CENPE: variants seen among roughly 807,000 people sequenced by gnomAD.
The protein encoded by CENPE is centromere-associated protein E.
Under a neutral mutation model 336.1 loss-of-function variants are expected in CENPE, and 145 were observed. The ratio of observed to expected loss-of-function variants is 0.43; its 90% CI spans 0.38 to 0.50. CENPE has a LOEUF of 0.50. Among genes scored for constraint, CENPE ranks in the 20% least tolerant of loss-of-function variants. The probability of loss-of-function intolerance (pLI) is 0.00; values close to 1 mark genes in which losing one functional copy is unlikely to be tolerated. For missense variants in CENPE, 2,719 were observed against 3,023.3 expected (o/e 0.90, Z 2.36); for synonymous variants, 1,013 against 984.8 (o/e 1.03, Z -0.54).
At chr4:103,176,817 A>T (rs930200733) in intron 14 of CENPE, 82 bp downstream of exon 14, 10 of 1,046,288 alleles carry the variant, frequency 9.6e-6, no homozygotes, top group Admixed American at 5.5e-5. Context: ...TGTTTATCAC[A>T]TTAACTGAGC....
At position 103,140,879 on chromosome 4, in the gene CENPE, C is replaced by G. The variant is rs564557749; in HGVS notation, c.5689G>C (p.Val1897Leu). ...VMKERDNLRR[V>L]EETLKLERDQ... ...CTCTCCAGTTTGAGTGTCTCCTCTA[C>G]TCTTCTTAGATTATCTCTTTCTTTC... is the stretch of plus-strand genomic sequence containing the variant. Residue 1897 changes from valine to leucine, a missense_variant, in exon 36 of 49, where the codon GTA (valine) becomes CTA (leucine). Around this residue, in one of 5 missense-constraint regions of CENPE, gnomAD observed 2,437 missense variants for 2,513.3 expected, o/e 0.97. Transcript: ENST00000265148. The G allele has an allele frequency of 1.3e-4, 215 of 1,612,132 alleles. 5 individuals carry two copies. In the South Asian group the frequency reaches 2.3e-3, roughly 17 times the overall value.
rs1458593357 is a variant in CENPE at position 103,176,886 on chromosome 4, A to T, written c.1390+13T>A. 3 of 1,558,970 alleles carry T rather than the reference A, an allele frequency of 1.9e-6. No homozygotes were observed. The South Asian group carries it at 3.6e-5, about 19-fold the overall frequency. On this transcript the variant is annotated intron_variant, in intron 14 of 48. Coordinates refer to ENST00000265148, the MANE Select transcript of CENPE (RefSeq NM_001813.3). ...TATAATTAAACATAGTTCCACTTGA[A>T]AAAAGCACTCACATTCATCAATTTC...
At position 103,120,241 on chromosome 4, in the gene CENPE, C is replaced by T. The variant is rs368768551; in HGVS notation, c.7236G>A (p.Glu2412=). ...SKIIKMQKEL[E]VTNDIIAKLQ... ...GTTTTGCTATTATGTCATTAGTCACCTCAAGTTCTTTCTGCATCTTTATAA... is the reference window on the plus strand; with the variant it reads ...GTTTTGCTATTATGTCATTAGTCACTTCAAGTTCTTTCTGCATCTTTATAA... The change falls in exon 44 of 49, where the codon GAG becomes GAA. Residue 2412 remains glutamate, a synonymous_variant. Coordinates refer to ENST00000265148, the MANE Select transcript of CENPE (RefSeq NM_001813.3). 4 of 1,612,580 alleles carry T rather than the reference C, an allele frequency of 2.5e-6. No individual in the cohort carries two copies. The African/African-American group carries it at 4.0e-5, about 16-fold the overall frequency.
intron 29 of CENPE, 70 bp downstream of exon 29, chr4:103,147,280 TTATAAC>T (rs1405828523): frequency 4.0e-6 from 5 of 1,262,488 alleles, no homozygotes; most frequent in Admixed American, 2.3e-5. Flanking sequence ...AATACAAACA[TTATAAC>T]TATAACACAA....
chr4:103,115,735 T>C (rs1285106731), intron 45 of CENPE, among the ~76,000 whole-genome samples: 3 of 150,332 alleles, frequency 2.0e-5, no homozygotes, highest in Non-Finnish European at 3.0e-5. Flanking sequence ...ATATTTCTTT[T>C]TTTTTTTTTT....
chr4:103,141,975 A>G, intron 34 of CENPE, 67 bp from the exon 35 acceptor site: 1 of 993,950 alleles, frequency 1.0e-6, no homozygotes, highest in Non-Finnish European at 1.5e-6. Flanking sequence ...AAATAAAGTG[A>G]TATATTTTCT....
At chr4:103,134,106 C>G (rs1400268811) in intron 40 of CENPE, among the ~76,000 whole-genome samples, 1 of 152,202 alleles carries the variant, frequency 6.6e-6, no homozygotes, top group Non-Finnish European at 1.5e-5. Context: ...TTCCTTATTT[C>G]TGACTTCTTA....
At position 103,177,299 on chromosome 4, in the gene CENPE, TTCAGGGACCCATC is replaced by T. The variant is rs140277939; in HGVS notation, c.1243-266_1243-254del. ...CATTTATCCACTCCTTCCTCAACAC[TTCAGGGACCCATC>T]TCCTGGTTCTTACCTTACCCAGCTG... is the stretch of plus-strand genomic sequence containing the variant. On this transcript the variant is annotated intron_variant, in intron 13 of 48. Coordinates refer to ENST00000265148, the MANE Select transcript of CENPE (RefSeq NM_001813.3). 0.16 allele frequency among the ~76,000 whole-genome samples: 24,165 copies of T among 151,856 alleles called. 2,319 individuals carry two copies. Among genetic ancestry groups the T allele is most frequent in the Non-Finnish European group, 0.2 (13,750 of 67,922 alleles).
intron 44 of CENPE, among the ~76,000 whole-genome samples, chr4:103,119,931 T>C (rs965475726): frequency 1.3e-5 from 2 of 152,118 alleles, no homozygotes; most frequent in African/African-American, 4.8e-5. Flanking sequence ...TTAAAAATTA[T>C]TCTTCCAACA....
chr4:103,163,123 C>A lies in CENPE; in HGVS notation c.1842+14G>T. ...ATTTATGTGATTACACAACAAAATA[C>A]GCCTGATTTTTACCAATGAGTATGA... On this transcript the variant is annotated intron_variant, in intron 18 of 48. Coordinates refer to ENST00000265148, the MANE Select transcript of CENPE (RefSeq NM_001813.3). 1 of 1,597,862 alleles carries A rather than the reference C, an allele frequency of 6.3e-7. No individual in the cohort carries two copies. Among genetic ancestry groups the A allele is most frequent in the South Asian group, 1.1e-5 (1 of 89,128 alleles).
intron 39 of CENPE, 137 bp downstream of exon 39, chr4:103,138,214 G>T: frequency 1.5e-6 from 1 of 661,864 alleles, no homozygotes; most frequent in Non-Finnish European, 2.7e-6. Context: ...CCACACACCT[G>T]TACTAGATTA....
intron 16 of CENPE, among the ~76,000 whole-genome samples, chr4:103,171,351 AAATT>A (rs1330446394): frequency 1.3e-5 from 2 of 152,130 alleles, no homozygotes; most frequent in African/African-American, 2.4e-5. Flanking sequence ...ATAAAACTAG[AAATT>A]AATAATAGCA....
rs1749111127 is a variant in CENPE at position 103,108,659 on chromosome 4, T to C, written c.8011+144A>G. 5.1e-6 allele frequency: 4 copies of C among 788,406 alleles called. No individual in the cohort carries two copies. In the Admixed American group the frequency reaches 8.9e-5, roughly 18 times the overall value. The allele number at this position is 788,406 out of a possible 1,614,324, so 48.8% of individuals were successfully genotyped here. On this transcript the variant is annotated intron_variant, in intron 48 of 48. Transcript: ENST00000265148. ...GGGTGCCTTGGAGAAATCAACTTTCTTACAGAGTCAGCAAATGAAGCCTGT... is the reference window on the plus strand; with the variant it reads ...GGGTGCCTTGGAGAAATCAACTTTCCTACAGAGTCAGCAAATGAAGCCTGT...
chr4:103,147,595 T>G lies in CENPE; in HGVS notation c.3895A>C (p.Ser1299Arg). 1 of 1,613,752 alleles carries G rather than the reference T, an allele frequency of 6.2e-7. No individual in the cohort carries two copies. Among genetic ancestry groups the G allele is most frequent in the Non-Finnish European group, 8.5e-7 (1 of 1,180,016 alleles). The change falls in exon 29 of 49, where the codon AGT becomes CGT. Residue 1299 changes from serine (S) to arginine (R), a missense_variant. Around this residue, in one of 5 missense-constraint regions of CENPE, gnomAD observed 2,437 missense variants for 2,513.3 expected, o/e 0.97. Transcript: ENST00000265148. ...TCATTCATTGTTTCCTGAGTCTCAC[T>G]GACTTCTTTCACATTAGGCAGTAAC... ...QELLPNVKEV[S>R]ETQETMNELE...
intron 42 of CENPE, among the ~76,000 whole-genome samples, chr4:103,130,138 A>C (rs1218671499): frequency 6.6e-6 from 1 of 152,226 alleles, no homozygotes; most frequent in African/African-American, 2.4e-5. Flanking sequence ...TCTAGTTTTC[A>C]ACACTGTACT....
intron 4 of CENPE, 128 bp downstream of exon 4, chr4:103,195,792 C>A: frequency 1.5e-6 from 1 of 673,506 alleles, no homozygotes; most frequent in Non-Finnish European, 2.7e-6. Flanking sequence ...TCTTCTTTCC[C>A]CATGGATAAT....
At chr4:103,109,770 G>A (rs1749225381) in intron 47 of CENPE, among the ~76,000 whole-genome samples, 1 of 152,110 alleles carries the variant, frequency 6.6e-6, no homozygotes. Context: ...TGCTCTAGCA[G>A]CCAAAGATGC....
intron 9 of CENPE, among the ~76,000 whole-genome samples, 175 bp from the exon 10 acceptor site, chr4:103,183,463 C>T (rs1476957815): frequency 1.3e-5 from 2 of 151,968 alleles, no homozygotes; most frequent in African/African-American, 4.8e-5. Context: ...CCCTATTGGT[C>T]CCACTTCAAG....
intron 46 of CENPE, among the ~76,000 whole-genome samples, chr4:103,113,438 T>G (rs1162710904): frequency 7.1e-6 from 1 of 141,298 alleles, no homozygotes; most frequent in Non-Finnish European, 1.5e-5. Context: ...ATTACTTATA[T>G]ATATTACTTA....
Sources: gnomAD v4.1 joint callset for allele counts (sites outside exome capture counted in the v4.1 genomes callset) on GRCh38, gnomAD v4.1.1 for gene constraint, gnomAD v4.1.1 regional missense constraint, MANE v1.5 for transcripts, NCBI Gene and HGNC (gene_info 2026-07-23, HGNC 2026-07-21) for gene names.